Variants in SLC12A3 observed in about 807,000 individuals in gnomAD.
SLC12A3 encodes the protein solute carrier family 12 member 3, also known as Na-Cl cotransporter.
SLC12A3 carries 104 observed loss-of-function variants against 121.0 expected under a neutral mutation model. The observed-to-expected ratio is 0.86, with a 90% confidence interval of 0.73 to 1.01. The LOEUF (loss-of-function observed/expected upper bound fraction) is 1.01, where lower values mean the gene tolerates loss of function less well. Ranked by LOEUF, SLC12A3 falls within the 50% of genes least tolerant of loss-of-function variation. The probability of loss-of-function intolerance (pLI) is 0.00; values close to 1 mark genes in which losing one functional copy is unlikely to be tolerated. For missense variants in SLC12A3, 1,328 were observed against 1,356.3 expected (o/e 0.98, Z 0.33); for synonymous variants, 536 against 533.4 (o/e 1.00, Z -0.07).
rs1341805292 is a variant in SLC12A3 at position 56,878,066 on chromosome 16, C to G, written c.1096-11C>G. On this transcript the variant is annotated splice_polypyrimidine_tract_variant and intron_variant, in intron 8 of 25. Transcript: ENST00000563236. ...TCCCTCCCTCCCTCCCTCTCTCCCT[C>G]CCTCCTTCAGGACCCTGCTATAGCC... The G allele has an allele frequency of 3.4e-6, 4 of 1,181,568 alleles. No homozygotes were observed. The highest frequency in any genetic ancestry group is 3.6e-6 in the Non-Finnish European group (3 of 828,076). 73.2% of individuals were successfully genotyped at this position (1,181,568 alleles called of 1,614,324 possible).
chr16:56,904,556 C>A (rs2055582279), intron 25 of SLC12A3, 94 bp downstream of exon 25: 1 of 1,192,108 alleles, frequency 8.4e-7, no homozygotes, highest in Admixed American at 1.7e-5. Flanking sequence ...ACGGAGGGCC[C>A]AAGCCTTCCC....
chr16:56,868,286 T>C lies in SLC12A3; in HGVS notation c.430-11T>C, dbSNP rs1455647476. The C allele has an allele frequency of 1.9e-6, 3 of 1,613,576 alleles. No individual in the cohort carries two copies. In the Admixed American group the frequency reaches 5.0e-5, roughly 27 times the overall value. On this transcript the variant is annotated splice_polypyrimidine_tract_variant and intron_variant, in intron 2 of 25. Coordinates refer to ENST00000563236, the MANE Select transcript of SLC12A3 (RefSeq NM_001126108.2). Reference sequence around the variant, plus strand: ...CCACCCAGGTGGCCTCTGACCCCCCTGTCCTCCCAGATTCGTTGCATGCTC... The same window carrying C: ...CCACCCAGGTGGCCTCTGACCCCCCCGTCCTCCCAGATTCGTTGCATGCTC...
intron 24 of SLC12A3, 63 bp downstream of exon 24, chr16:56,902,571 A>C: frequency 1.3e-6 from 2 of 1,597,770 alleles, no homozygotes; most frequent in Middle Eastern, 2.1e-4. Flanking sequence ...GGTGTCCTGC[A>C]TGTCTTGAGC....
chr16:56,901,345 C>CTTTTTTTTTTT (rs1408480661), intron 23 of SLC12A3, among the ~76,000 whole-genome samples: 32 of 84,144 alleles, frequency 3.8e-4, no homozygotes, highest in African/African-American at 1.8e-3. Context: ...ATCTCTCTCT[C>CTTTTTTTTTTT]TCTTTTTTTT....
chr16:56,871,382 G>A (rs367879259), intron 6 of SLC12A3, among the ~76,000 whole-genome samples: 2 of 152,174 alleles, frequency 1.3e-5, no homozygotes, highest in Non-Finnish European at 2.9e-5. Flanking sequence ...TTTCACTATC[G>A]CTGTCACACA....
chr16:56,901,264 A>C (rs1345765096), intron 23 of SLC12A3, among the ~76,000 whole-genome samples: 1 of 147,444 alleles, frequency 6.8e-6, no homozygotes, highest in African/African-American at 2.6e-5. Flanking sequence ...CTCTCCATTT[A>C]CTCTGTCCCA....
intron 3 of SLC12A3, among the ~76,000 whole-genome samples, chr16:56,869,398 G>A (rs1964436729): frequency 6.6e-6 from 1 of 152,084 alleles, no homozygotes; most frequent in Non-Finnish European, 1.5e-5. Context: ...CGTGGTCTCG[G>A]CTCACTGCAA....
In SLC12A3 at chr16:56,865,916, C is replaced by A. The variant is rs866617280; in HGVS notation, c.282+399C>A. 5.9e-5 allele frequency among the ~76,000 whole-genome samples: 9 copies of A among 152,282 alleles called. No individual in the cohort carries two copies. In the South Asian group the frequency reaches 1.7e-3, roughly 28 times the overall value. On this transcript the variant is annotated intron_variant, in intron 1 of 25. Transcript: ENST00000563236. The stretch of plus-strand genomic sequence containing the variant: ...AGGGCTGGAAGGTGGATTGTCATGA[C>A]CCCTGTCTGGCCTCACTTTTCCCAT...
intron 25 of SLC12A3, among the ~76,000 whole-genome samples, chr16:56,905,759 TAA>T (rs1180188979): frequency 6.6e-6 from 1 of 152,146 alleles, no homozygotes; most frequent in Non-Finnish European, 1.5e-5. Context: ...ATTTGTTTTT[TAA>T]AAAATCTCAC....
intron 14 of SLC12A3, 49 bp downstream of exon 14, chr16:56,884,253 A>AT: frequency 1.9e-6 from 3 of 1,602,204 alleles, no homozygotes; most frequent in Non-Finnish European, 2.6e-6. Context: ...CAGGGTAGCC[A>AT]TGCAGGCGGC....
In SLC12A3 at chr16:56,884,355, G is replaced by C. The variant is rs529179734; in HGVS notation, c.1825+151G>C. 111 of 816,784 alleles carry C rather than the reference G, an allele frequency of 1.4e-4. No individual in the cohort carries two copies. The African/African-American group carries it at 1.7e-3, about 13-fold the overall frequency. The allele number at this position is 816,784 out of a possible 1,614,324, so 50.6% of individuals were successfully genotyped here. ...CCTCCCCTTTATCCCTCCCAATGTG[G>C]CAAGAAACCCCAGGGGATGTCCCCA... On this transcript the variant is annotated intron_variant, in intron 14 of 25. Coordinates refer to ENST00000563236, the MANE Select transcript of SLC12A3 (RefSeq NM_001126108.2).
chr16:56,887,950 C>G lies in SLC12A3; in HGVS notation c.2204C>G (p.Pro735Arg), dbSNP rs757761069. ...MQAAGLGRMKPNILVVGFKKN... is the reference protein window; with the variant it reads ...MQAAGLGRMKRNILVVGFKKN... Reference sequence around the variant, plus strand: ...GCCGCAGGTCTCGGGAGAATGAAGCCCAACATTCTGGTGGTTGGGTTCAAG... The same window carrying G: ...GCCGCAGGTCTCGGGAGAATGAAGCGCAACATTCTGGTGGTTGGGTTCAAG... The change falls in exon 18 of 26, where the codon CCC (proline) becomes CGC (arginine). Residue 735 changes from proline (P) to arginine (R), a missense_variant. Transcript: ENST00000563236. The G allele has an allele frequency of 1.9e-6, 3 of 1,613,040 alleles. No individual in the cohort carries two copies. Among genetic ancestry groups the G allele is most frequent in the Non-Finnish European group, 2.5e-6 (3 of 1,179,646 alleles).
intron 25 of SLC12A3, among the ~76,000 whole-genome samples, chr16:56,908,781 A>G (rs2055644028): frequency 6.6e-6 from 1 of 152,230 alleles, no homozygotes; most frequent in Non-Finnish European, 1.5e-5. Flanking sequence ...AACACCTAGC[A>G]GAGAATGTTC....
intron 23 of SLC12A3, 43 bp from the exon 24 acceptor site, chr16:56,902,330 G>A (rs779956055): frequency 6.2e-7 from 1 of 1,613,516 alleles, no homozygotes; most frequent in Non-Finnish European, 8.5e-7. Flanking sequence ...CTAGAAATGG[G>A]GTTATCGTCT....
chr16:56,879,531 A>C lies in SLC12A3; in HGVS notation c.1336-11A>C. 6.2e-7 allele frequency: 1 copy of C among 1,610,874 alleles called. No homozygotes were observed. Among genetic ancestry groups the C allele is most frequent in the Non-Finnish European group, 8.5e-7 (1 of 1,177,524 alleles). On this transcript the variant is annotated splice_polypyrimidine_tract_variant and intron_variant, in intron 10 of 25. Coordinates refer to ENST00000563236, the MANE Select transcript of SLC12A3 (RefSeq NM_001126108.2). ...CCCACCGTGGAGTCCCTGAGCCCCA[A>C]ATCCCCACAGACCATGAGCATGGTG...
intron 23 of SLC12A3, among the ~76,000 whole-genome samples, chr16:56,900,117 C>T (rs2055518130): frequency 6.6e-6 from 1 of 152,112 alleles, no homozygotes; most frequent in South Asian, 2.1e-4. Flanking sequence ...GGTATGTTTC[C>T]TCCTGACCTC....
chr16:56,905,264 G>T (rs1030283920), intron 25 of SLC12A3, among the ~76,000 whole-genome samples: 1 of 151,318 alleles, frequency 6.6e-6, no homozygotes, highest in Non-Finnish European at 1.5e-5. Flanking sequence ...GCTTGAACCT[G>T]GGAGGCAGAG....
In SLC12A3 at chr16:56,865,966, TTTTTCTTTTC is replaced by T. The variant is rs201167775; in HGVS notation, c.282+469_282+478del. On this transcript the variant is annotated intron_variant, in intron 1 of 25. Transcript: ENST00000563236. ...TATGACAATTGGGCTGAATTGTTCT[TTTTTCTTTTC>T]TTTTCTTTTCTTTTCTTTTTTTTTT... is the stretch of plus-strand genomic sequence containing the variant. Among the ~76,000 whole-genome samples the T allele has an allele frequency of 1.6e-3, 233 of 146,600 alleles. 1 individual carries two copies. Among genetic ancestry groups the T allele is most frequent in the Non-Finnish European group, 2.5e-3 (169 of 67,308 alleles).
chr16:56,866,281 C>A lies in SLC12A3; in HGVS notation c.282+764C>A, dbSNP rs150836461. Among the ~76,000 whole-genome samples the A allele has an allele frequency of 2.6e-5, 4 of 152,246 alleles. No individual in the cohort carries two copies. In the East Asian group the frequency reaches 7.7e-4, roughly 29 times the overall value. On this transcript the variant is annotated intron_variant, in intron 1 of 25. Transcript: ENST00000563236. Reference sequence around the variant, plus strand: ...AATTACAGGCATGAGCCACCACGCCCAGCCCAGAATTGTTCTTGATTCTGA... The same window carrying A: ...AATTACAGGCATGAGCCACCACGCCAAGCCCAGAATTGTTCTTGATTCTGA...
Sources: allele counts gnomAD v4.1 joint callset (sites outside exome capture counted in the v4.1 genomes callset), GRCh38; gene constraint gnomAD v4.1.1; transcripts MANE v1.5; gene names NCBI Gene and HGNC (gene_info 2026-07-23, HGNC 2026-07-21).